The following PNPLA8 variants were observed in gnomAD, a reference collection of about 807,000 sequenced individuals.
PNPLA8 encodes calcium-independent phospholipase A2-gamma.
A neutral mutation model predicts 76.9 loss-of-function variants in PNPLA8; 39 were observed. That is an observed-to-expected ratio of 0.51 (90% confidence interval 0.39 to 0.66). The LOEUF is 0.66. Among genes scored for constraint, PNPLA8 ranks in the 30% least tolerant of loss-of-function variants. The pLI, the probability that PNPLA8 is intolerant of heterozygous loss-of-function variation, is 0.00. For synonymous variants in PNPLA8, 301 were observed against 307.9 expected, an observed-to-expected ratio of 0.98 and a Z score of 0.24; for missense variants, 887 against 918.0, an observed-to-expected ratio of 0.97 and a Z score of 0.44.
At chr7:108,510,420 T>G in intron 4 of PNPLA8, 2 of 1,506,170 alleles carry the variant, frequency 1.3e-6, no homozygotes, top group South Asian at 1.1e-5. Context: ...TATAGGCAGA[T>G]GTACAGAACT....
intron 4 of PNPLA8, among the ~76,000 whole-genome samples, chr7:108,512,668 A>G (rs1346828434): frequency 1.3e-5 from 2 of 152,202 alleles, no homozygotes; most frequent in Admixed American, 6.5e-5. Context: ...AAAAGTTCAC[A>G]CTAGAGTGTA....
chr7:108,479,056 C>T (rs1860198163), intron 10 of PNPLA8, 128 bp downstream of exon 10: 1 of 637,798 alleles, frequency 1.6e-6, no homozygotes, highest in South Asian at 2.1e-5. Flanking sequence ...AATGTTTCCT[C>T]CCATGTACTT....
In PNPLA8 at chr7:108,510,494, C is replaced by G. The variant is rs13312387; in HGVS notation, c.1206+3650G>C. 11 of 1,396,328 alleles carry G rather than the reference C, an allele frequency of 7.9e-6. No individual in the cohort carries two copies. In the African/African-American group the frequency reaches 1.4e-4, roughly 18 times the overall value. The allele number at this position is 1,396,328 out of a possible 1,614,324, so 86.5% of individuals were successfully genotyped here. A position where few individuals can be genotyped will look rare whatever the true frequency, so the allele number is the denominator to read the frequency against. On this transcript the variant is annotated intron_variant, in intron 4 of 10. Transcript: ENST00000257694. ...CTACTTTGTACCTGCAGAACCCAAA[C>G]TGGCATTTGTCATCAGAATCAGAGG...
chr7:108,526,137 G>A (rs138577549), upstream of PNPLA8: 6 of 971,490 alleles, frequency 6.2e-6, no homozygotes, highest in Non-Finnish European at 7.3e-6. Flanking sequence ...ACAAACACTG[G>A]CGCAGCAGCT....
rs747978656 is a variant in PNPLA8, at chr7:108,491,487, A to G, written c.1626-20T>C. 1.3e-6 allele frequency: 2 copies of G among 1,487,246 alleles called. No individual in the cohort carries two copies. The highest frequency in any genetic ancestry group is 2.3e-5 in the East Asian group (1 of 44,310). 92.1% of individuals were successfully genotyped at this position (1,487,246 alleles called of 1,614,324 possible). ...CTATCCCTTTATTAAAGGAGAAAAAAATAAGTTATATCAAAATGACTTTAT... is the reference window on the plus strand; with the variant it reads ...CTATCCCTTTATTAAAGGAGAAAAAGATAAGTTATATCAAAATGACTTTAT... On this transcript the variant is annotated intron_variant, in intron 7 of 10. Transcript: ENST00000257694.
chr7:108,521,479 T>C lies in PNPLA8; in HGVS notation c.-87A>G. ...AATAAAGGAATGATCCACTTACTTA[T>C]TAAACTTCAGGTAATCATGTAGACC... On this transcript the variant is annotated 5_prime_UTR_variant, in exon 2 of 11. Transcript: ENST00000257694. 2 of 801,164 alleles carry C rather than the reference T, an allele frequency of 2.5e-6. No individual in the cohort carries two copies. Among genetic ancestry groups the C allele is most frequent in the South Asian group, 5.7e-5 (1 of 17,528 alleles). 49.6% of individuals were successfully genotyped at this position (801,164 alleles called of 1,614,324 possible).
chr7:108,496,838 T>A, intron 6 of PNPLA8, 83 bp from the exon 7 acceptor site: 1 of 1,114,846 alleles, frequency 9.0e-7, no homozygotes, highest in Non-Finnish European at 1.3e-6. Flanking sequence ...AGTTTTGGCT[T>A]AAATTTTAGC....
intron 9 of PNPLA8, among the ~76,000 whole-genome samples, chr7:108,484,379 A>T (rs562432515): frequency 6.6e-6 from 1 of 152,158 alleles, no homozygotes; most frequent in African/African-American, 2.4e-5. Flanking sequence ...TGTAGACCAC[A>T]TCCTGTTAAT....
intron 1 of PNPLA8, among the ~76,000 whole-genome samples, chr7:108,521,733 G>A (rs1863751368): frequency 6.6e-6 from 1 of 152,048 alleles, no homozygotes; most frequent in South Asian, 2.1e-4. Flanking sequence ...TAGTCAGAGA[G>A]AAAAAACAAC....
At chr7:108,506,377 C>CA (rs34493630) in intron 4 of PNPLA8, among the ~76,000 whole-genome samples, 15,255 of 148,430 alleles carry the variant, frequency 0.1, 801 homozygotes, top group Non-Finnish European at 0.11. Flanking sequence ...CACTCAGTCT[C>CA]AAAAAAAAAA....
At chr7:108,487,731 A>C (rs1860842970) in intron 9 of PNPLA8, 28 bp downstream of exon 9, 1 of 1,457,758 alleles carries the variant, frequency 6.9e-7, no homozygotes, top group Non-Finnish European at 9.4e-7. Context: ...GTAAAATTTA[A>C]AAAAATAAGA....
At chr7:108,510,516 GA>G in intron 4 of PNPLA8, 1 of 1,373,708 alleles carries the variant, frequency 7.3e-7, no homozygotes, top group Non-Finnish European at 1.0e-6. Flanking sequence ...ATCAGAATCA[GA>G]GGTATCAGTG....
chr7:108,526,883 AG>A (rs1171488324), upstream of PNPLA8, among the ~76,000 whole-genome samples: 1 of 152,240 alleles, frequency 6.6e-6, no homozygotes, highest in South Asian at 2.1e-4. Flanking sequence ...CATTTTTCAA[AG>A]GTTAAAAAAA....
intron 4 of PNPLA8, among the ~76,000 whole-genome samples, chr7:108,505,338 ATATATATATATATATTTTTTTTTTTTTT>A (rs1563968060): frequency 1.9e-4 from 1 of 5,240 alleles, no homozygotes; most frequent in Non-Finnish European, 2.8e-4. Flanking sequence ...ATATATATAT[ATATATATATATATATTTTTTTTTTTTTT>A]TTTTTTTTTT....
intron 2 of PNPLA8, among the ~76,000 whole-genome samples, chr7:108,517,126 T>C (rs1863403227): frequency 6.6e-6 from 1 of 152,170 alleles, no homozygotes; most frequent in Non-Finnish European, 1.5e-5. Flanking sequence ...TCAAAGGAGA[T>C]ATATAGATAA....
chr7:108,519,921 C>T (rs928628829), intron 2 of PNPLA8, among the ~76,000 whole-genome samples: 1 of 152,202 alleles, frequency 6.6e-6, no homozygotes, highest in African/African-American at 2.4e-5. Flanking sequence ...CTCTTAGGCT[C>T]ATTCAGTTTT....
Position 108,472,283 on chromosome 7 carries a change from A to C in PNPLA8, c.*118T>G, listed in dbSNP as rs1859672353. On this transcript the variant is annotated 3_prime_UTR_variant, in exon 11 of 11. Transcript: ENST00000257694. ...TGGTTGAAGCACCGTCTTTTTCAGG[A>C]TTCTCCAGAATTCATACGTATTTCA... 2.9e-6 allele frequency: 2 copies of C among 693,452 alleles called. No homozygotes were observed. The highest frequency in any genetic ancestry group is 4.8e-6 in the Non-Finnish European group (2 of 414,258). 43.0% of individuals were successfully genotyped at this position (693,452 alleles called of 1,614,324 possible). A position where few individuals can be genotyped will look rare whatever the true frequency, so the allele number is the denominator to read the frequency against.
At chr7:108,524,352 G>A (rs746684415) in intron 1 of PNPLA8, among the ~76,000 whole-genome samples, 2 of 152,128 alleles carry the variant, frequency 1.3e-5, no homozygotes. Context: ...GACAGGGGTA[G>A]AGCCTTGAGT....
At chr7:108,490,155 T>C (rs1362447743) in intron 8 of PNPLA8, among the ~76,000 whole-genome samples, 1 of 152,188 alleles carries the variant, frequency 6.6e-6, no homozygotes, top group Non-Finnish European at 1.5e-5. Context: ...TGTGTCACAA[T>C]TGCCTACAGT....
Sources: gnomAD v4.1 joint callset for allele counts (sites outside exome capture counted in the v4.1 genomes callset) on GRCh38, gnomAD v4.1.1 for gene constraint, MANE v1.5 for transcripts, NCBI Gene and HGNC (gene_info 2026-07-23, HGNC 2026-07-21) for gene names.